Variants in KLF13 observed in about 807,000 individuals in gnomAD.
KLF13 encodes KLF transcription factor 13.
KLF13 carries 8 observed loss-of-function variants against 16.7 expected under a neutral mutation model. The observed-to-expected ratio is 0.48, with a 90% CI of 0.28 to 0.87. The LOEUF is 0.87. KLF13 is among the 40% of genes least tolerant of loss of function. KLF13 has a pLI of 0.10. For missense variants in KLF13, 447 were observed against 452.2 expected (o/e 0.99, Z 0.10); for synonymous variants, 245 against 208.4 (o/e 1.18, Z -1.51).
At position 31,328,152 on chromosome 15, in the gene KLF13, C is replaced by T. The variant is rs542544125; in HGVS notation, c.577+363C>T. ...GGGCGGCCTGGGTGTGGACCGCAGGCGGCACTCGTGACGGTGGGGCGCCCG... is the reference window on the plus strand; with the variant it reads ...GGGCGGCCTGGGTGTGGACCGCAGGTGGCACTCGTGACGGTGGGGCGCCCG... On this transcript the variant is annotated intron_variant, in intron 1 of 1. Coordinates refer to ENST00000307145, the MANE Select transcript of KLF13 (RefSeq NM_015995.4). 2.7e-5 allele frequency among the ~76,000 whole-genome samples: 4 copies of T among 149,356 alleles called. No homozygotes were observed. The South Asian group carries it at 8.4e-4, about 31-fold the overall frequency.
At chr15:31,397,642 T>C (rs746903750) in intron 2 of KLF13, among the ~76,000 whole-genome samples, 2 of 152,250 alleles carry the variant, frequency 1.3e-5, no homozygotes, top group Non-Finnish European at 2.9e-5. Context: ...TCCCCATCTA[T>C]AAAATGAAGA....
At chr15:31,380,011 C>T (rs2039704985), downstream of KLF13, among the ~76,000 whole-genome samples, 1 of 152,194 alleles carries the variant, frequency 6.6e-6, no homozygotes, top group Non-Finnish European at 1.5e-5. Flanking sequence ...TAAAGAAGGA[C>T]TTCTGGCCGC....
At chr15:31,353,008 C>T (rs1445460612) in intron 1 of KLF13, among the ~76,000 whole-genome samples, 2 of 152,182 alleles carry the variant, frequency 1.3e-5, no homozygotes, top group African/African-American at 4.8e-5. Flanking sequence ...CTGTTGATGC[C>T]GCCTTGGAGT....
chr15:31,408,111 C>A (rs2040149618), downstream of KLF13, among the ~76,000 whole-genome samples: 1 of 152,132 alleles, frequency 6.6e-6, no homozygotes, highest in East Asian at 1.9e-4. Flanking sequence ...AATGGTACAT[C>A]TGGAAAACCC....
chr15:31,420,150 C>G, intron 1 of KLF13: 1 of 476,302 alleles, frequency 2.1e-6, no homozygotes, highest in Non-Finnish European at 4.0e-6. Flanking sequence ...GACCATAACC[C>G]AGCAGCCACT....
chr15:31,357,737 C>T (rs1378924104), intron 1 of KLF13, among the ~76,000 whole-genome samples: 1 of 152,166 alleles, frequency 6.6e-6, no homozygotes, highest in African/African-American at 2.4e-5. Context: ...GGCAAGCAGC[C>T]ATCTGTAAGG....
chr15:31,362,895 C>T (rs1027345354), intron 1 of KLF13, among the ~76,000 whole-genome samples: 30 of 152,142 alleles, frequency 2.0e-4, no homozygotes, highest in African/African-American at 6.5e-4. Flanking sequence ...TACTTCTTTG[C>T]GATAGTGTTC....
At chr15:31,417,997 G>A (rs2040275377) in intron 1 of KLF13, among the ~76,000 whole-genome samples, 1 of 152,084 alleles carries the variant, frequency 6.6e-6, no homozygotes, top group Non-Finnish European at 1.5e-5. Context: ...CAAGGATACA[G>A]GGAGCTTGTG....
rs571149884 is a variant in KLF13, at chr15:31,431,619, C to T, written n.118-3751C>T. Among the ~76,000 whole-genome samples, 61 of 152,266 alleles carry T rather than the reference C, an allele frequency of 4.0e-4. 1 individual carries two copies. The highest frequency in any genetic ancestry group is 1.2e-3 in the South Asian group (6 of 4,822). ...AGCTGGGACTACAGGCACCCGTCAT[C>T]ATGTCCGGCTAATTTTTTGTATTTT... is the stretch of plus-strand genomic sequence containing the variant. On this transcript the variant is annotated intron_variant and non_coding_transcript_variant, in intron 1 of 1. Coordinates refer to the KLF13 transcript ENST00000558225.
chr15:31,349,990 A>G (rs2039191097), intron 1 of KLF13, among the ~76,000 whole-genome samples: 1 of 152,254 alleles, frequency 6.6e-6, no homozygotes. Flanking sequence ...AAGTCCTCAG[A>G]GTAGCCTAGC....
chr15:31,402,174 C>T (rs892025126), intron 2 of KLF13, among the ~76,000 whole-genome samples: 2 of 152,220 alleles, frequency 1.3e-5, no homozygotes, highest in African/African-American at 2.4e-5. Context: ...GGGGGCCGGG[C>T]ATGGGAGCCA....
intron 2 of KLF13, among the ~76,000 whole-genome samples, chr15:31,397,625 C>T (rs918997609): frequency 4.6e-5 from 7 of 152,242 alleles, no homozygotes; most frequent in African/African-American, 7.2e-5. Context: ...ATCCCTGAGC[C>T]TCAGTTTCCC....
At chr15:31,379,009 C>T (rs1011439091), downstream of KLF13, among the ~76,000 whole-genome samples, 3 of 152,176 alleles carry the variant, frequency 2.0e-5, no homozygotes, top group African/African-American at 7.2e-5. Flanking sequence ...ATTGAGCCAC[C>T]ATACCAGGCC....
At position 31,376,019 on chromosome 15, in the gene KLF13, G is replaced by C. The variant is rs562530216; in HGVS notation, c.*3720G>C. ...CTTGCAGCACCCTGAACACAGCTCA[G>C]ACCAGTGAGGGGTGATTCAGAGGTG... On this transcript the variant is annotated 3_prime_UTR_variant, in exon 2 of 2. Coordinates refer to ENST00000307145, the MANE Select transcript of KLF13 (RefSeq NM_015995.4). The C allele has an allele frequency of 1.4e-4, 21 of 152,710 alleles. No homozygotes were observed. The highest frequency in any genetic ancestry group is 4.8e-4 in the African/African-American group (20 of 41,564). The allele number at this position is 152,710 out of a possible 1,614,324, so 9.5% of individuals were successfully genotyped here.
rs1453540667 is a variant in KLF13 at position 31,375,470 on chromosome 15, AAT to A, written c.*3173_*3174del. On this transcript the variant is annotated 3_prime_UTR_variant, in exon 2 of 2. Coordinates refer to ENST00000307145, the MANE Select transcript of KLF13 (RefSeq NM_015995.4). The stretch of plus-strand genomic sequence containing the variant: ...AGGAACCCATAGGACTCATAGAAAT[AAT>A]AGTGAAAACTCAAACCCTTATTTTG... 6.6e-6 allele frequency: 1 copy of A among 152,206 alleles called. No individual in the cohort carries two copies. The highest frequency in any genetic ancestry group is 1.5e-5 in the Non-Finnish European group (1 of 68,022). The allele number at this position is 152,206 out of a possible 1,614,324, so 9.4% of individuals were successfully genotyped here.
chr15:31,407,299 G>A (rs191054930), downstream of KLF13, among the ~76,000 whole-genome samples: 51 of 152,178 alleles, frequency 3.4e-4, no homozygotes, highest in East Asian at 9.7e-3. Context: ...GCAACACAGG[G>A]AGACCTCTTC....
intron 1 of KLF13, among the ~76,000 whole-genome samples, chr15:31,334,732 C>A (rs978753258): frequency 2.2e-4 from 34 of 151,476 alleles, no homozygotes; most frequent in African/African-American, 8.2e-4. Flanking sequence ...CCGACCTTTT[C>A]TTTCCTTTCA....
rs2039607416 is a variant in KLF13 at position 31,374,254 on chromosome 15, C to T, written c.*1955C>T. ...GGATTGGCCGACAGCGTGGTGGTGA[C>T]TTCTAGGTAGACCGATGGACCCTAA... On this transcript the variant is annotated 3_prime_UTR_variant, in exon 2 of 2. Coordinates refer to ENST00000307145, the MANE Select transcript of KLF13 (RefSeq NM_015995.4). 1 of 152,546 alleles carries T rather than the reference C, an allele frequency of 6.6e-6. No homozygotes were observed. Among genetic ancestry groups the T allele is most frequent in the African/African-American group, 2.4e-5 (1 of 41,458 alleles). 9.4% of individuals were successfully genotyped at this position (152,546 alleles called of 1,614,324 possible). A position where few individuals can be genotyped will look rare whatever the true frequency, so the allele number is the denominator to read the frequency against.
chr15:31,346,644 C>T (rs550022296), intron 1 of KLF13, among the ~76,000 whole-genome samples: 52 of 152,380 alleles, frequency 3.4e-4, no homozygotes, highest in African/African-American at 1.2e-3. Context: ...CTGTGTCACA[C>T]AGCAGCCTTC....
Sources: gnomAD v4.1 joint callset for allele counts (sites outside exome capture counted in the v4.1 genomes callset) on GRCh38, gnomAD v4.1.1 for gene constraint, MANE v1.5 for transcripts, NCBI Gene and HGNC (gene_info 2026-07-23, HGNC 2026-07-21) for gene names.